CABP1: variants seen among roughly 807,000 people sequenced by gnomAD.
The protein encoded by CABP1 is calcium-binding protein 1.
A neutral mutation model predicts 34.3 loss-of-function variants in CABP1; 17 were observed. That is an observed-to-expected ratio of 0.50 (90% CI 0.34 to 0.74). The LOEUF (loss-of-function observed/expected upper bound fraction) is 0.74, where lower values mean the gene tolerates loss of function less well. CABP1 is among the 30% of genes least tolerant of loss of function. The pLI is 0.01. For missense variants in CABP1, 373 were observed against 511.1 expected (o/e 0.73, Z 2.61); for synonymous variants, 198 against 229.2 (o/e 0.86, Z 1.23).
intron 1 of CABP1, chr12:120,655,724 G>C (rs1880137306): frequency 6.9e-7 from 1 of 1,449,548 alleles, no homozygotes; most frequent in Non-Finnish European, 9.1e-7. Flanking sequence ...ATTAGGCTCT[G>C]AGTGAACACT....
chr12:120,650,106 G>C (rs1879751569), intron 1 of CABP1: 2 of 157,478 alleles, frequency 1.3e-5, no homozygotes, highest in South Asian at 3.6e-4. Context: ...CTGGCTTCGG[G>C]AACCCAAACT....
chr12:120,642,472 A>G (rs969149869), intron 1 of CABP1, among the ~76,000 whole-genome samples: 2 of 152,220 alleles, frequency 1.3e-5, no homozygotes, highest in African/African-American at 4.8e-5. Flanking sequence ...GAGGTCTGAC[A>G]TGAAGGCAGC....
chr12:120,651,920 C>A (rs1354653879), intron 1 of CABP1, among the ~76,000 whole-genome samples: 1 of 152,182 alleles, frequency 6.6e-6, no homozygotes, highest in African/African-American at 2.4e-5. Flanking sequence ...TGAATTAGCC[C>A]TTGTAATAGG....
chr12:120,668,679 G>A (rs1881135199), downstream of CABP1, among the ~76,000 whole-genome samples: 1 of 152,218 alleles, frequency 6.6e-6, no homozygotes, highest in African/African-American at 2.4e-5. Context: ...CCCAGGGACT[G>A]CTATTCAGAC....
rs11065193 is a variant in CABP1, at chr12:120,660,388, C to T, written c.829+49C>T. ...GCGTCCCTTCGGTCCTCACCCTTGC[C>T]GTCCTCTGCAGTCAGACAGGACTGG... On this transcript the variant is annotated intron_variant, in intron 3 of 5. Transcript: ENST00000316803. This position sits in a 1 kb window ranked among gnomAD's most constrained non-coding sequence, Gnocchi z 5.0. 27,694 of 1,581,842 alleles carry T rather than the reference C, an allele frequency of 0.018. 1,529 individuals carry two copies. The East Asian group carries it at 0.22, about 12-fold the overall frequency.
At chr12:120,675,130 G>A in the CABP1 span, among the ~76,000 whole-genome samples, 1 of 151,274 alleles carries the variant, frequency 6.6e-6, no homozygotes. Flanking sequence ...TCGGCTCACT[G>A]CAGCCTCTGC....
chr12:120,660,266 C>T lies in CABP1; in HGVS notation c.756C>T (p.Asn252=), dbSNP rs1440537037. The T allele has an allele frequency of 6.2e-7, 1 of 1,614,178 alleles. No homozygotes were observed. Among genetic ancestry groups the T allele is most frequent in the South Asian group, 1.1e-5 (1 of 91,068 alleles). Residue 252 remains asparagine (N), a synonymous_variant, in exon 3 of 6, where the codon AAC becomes AAT. Transcript: ENST00000316803. The surrounding 1 kb of genome is among the most constrained non-coding windows in gnomAD (Gnocchi z 5.0). ...ACATCAACTGCCGGGATCTGGGCAA[C>T]TGCATGCGCACCATGGGCTACATGC... is the stretch of plus-strand genomic sequence containing the variant. The part of the protein sequence containing the change: ...DGYINCRDLG[N]CMRTMGYMPT...
the CABP1 span, among the ~76,000 whole-genome samples, chr12:120,679,758 T>A: frequency 1.3e-5 from 2 of 149,994 alleles, no homozygotes; most frequent in African/African-American, 2.5e-5. Flanking sequence ...ACCCGGGAGG[T>A]GGAGGTTGCG....
At chr12:120,677,276 C>A in the CABP1 span, among the ~76,000 whole-genome samples, 1 of 151,062 alleles carries the variant, frequency 6.6e-6, no homozygotes, top group Non-Finnish European at 1.5e-5. Context: ...TTGGTAGAGA[C>A]AAAGTTTCAC....
Position 120,661,246 on chromosome 12 carries a change from A to C in CABP1, c.1087+28A>C, listed in dbSNP as rs751119261. On this transcript the variant is annotated intron_variant, in intron 5 of 5. Transcript: ENST00000316803. This position sits in a 1 kb window ranked among gnomAD's most constrained non-coding sequence, Gnocchi z 5.1. Reference sequence around the variant, plus strand: ...AGGTGGGGCTTGAAAGTGGGAGAGAAGCAAGCCAGCAGTGGCCATCCATGG... The same window carrying C: ...AGGTGGGGCTTGAAAGTGGGAGAGACGCAAGCCAGCAGTGGCCATCCATGG... 6.3e-7 allele frequency: 1 copy of C among 1,596,220 alleles called. No individual in the cohort carries two copies. The highest frequency in any genetic ancestry group is 1.3e-5 in the African/African-American group (1 of 74,692).
chr12:120,666,886 A>T lies in CABP1; in HGVS notation c.1099A>T (p.Met367Leu). The change falls in exon 6 of 6, where the codon ATG (methionine) becomes TTG (leucine). Residue 367 changes from methionine to leucine, a missense_variant. Around this residue, in one of 4 missense-constraint regions of CABP1, gnomAD observed 109 missense variants for 204.8 expected, o/e 0.53. Transcript: ENST00000316803. The part of the protein sequence containing the change: ...GRVDFEEFVR[M>L]MSR ...CTCTACCCTTCTAGAGTTTGTCCGG[A>T]TGATGTCCCGCTGAGGCCGCGAGGG... 6.2e-7 allele frequency: 1 copy of T among 1,606,626 alleles called. No individual in the cohort carries two copies. Among genetic ancestry groups the T allele is most frequent in the Non-Finnish European group, 8.5e-7 (1 of 1,178,906 alleles).
downstream of CABP1, among the ~76,000 whole-genome samples, chr12:120,669,651 G>A (rs537252467): frequency 5.3e-5 from 8 of 152,254 alleles, no homozygotes; most frequent in South Asian, 4.1e-4. Flanking sequence ...CTATTAGGGA[G>A]TCTGAGGCAA....
At chr12:120,675,316 G>A in the CABP1 span, among the ~76,000 whole-genome samples, 1 of 152,222 alleles carries the variant, frequency 6.6e-6, no homozygotes, top group Admixed American at 6.5e-5. Context: ...ACCTCCCAAA[G>A]TGGTGGGATT....
At chr12:120,649,974 CGCTT>C (rs1186880488) in intron 1 of CABP1, 2 of 152,070 alleles carry the variant, frequency 1.3e-5, no homozygotes, top group Non-Finnish European at 2.9e-5. Context: ...TCTCCCTGAG[CGCTT>C]GTGTGTGCAT....
At chr12:120,646,918 C>A (rs1430067370) in intron 1 of CABP1, among the ~76,000 whole-genome samples, 1 of 152,172 alleles carries the variant, frequency 6.6e-6, no homozygotes, top group Non-Finnish European at 1.5e-5. Context: ...CGTCGAAATC[C>A]CTGGATCCCT....
rs372659944 is a variant in CABP1 at position 120,661,049 on chromosome 12, C to T, written c.940-22C>T. 6.2e-7 allele frequency: 1 copy of T among 1,607,702 alleles called. No homozygotes were observed. Among genetic ancestry groups the T allele is most frequent in the Non-Finnish European group, 8.5e-7 (1 of 1,176,622 alleles). ...CAATCGCCATGCTGGGGCGACCTCTCCTTCCTTCCTGCCTTCTCTAGTTTG... is the reference window on the plus strand; with the variant it reads ...CAATCGCCATGCTGGGGCGACCTCTTCTTCCTTCCTGCCTTCTCTAGTTTG... On this transcript the variant is annotated intron_variant, in intron 4 of 5. Coordinates refer to ENST00000316803, the MANE Select transcript of CABP1 (RefSeq NM_001033677.2). This position sits in a 1 kb window ranked among gnomAD's most constrained non-coding sequence, Gnocchi z 5.1.
chr12:120,665,646 G>A (rs940520016), intron 5 of CABP1, among the ~76,000 whole-genome samples: 4 of 151,966 alleles, frequency 2.6e-5, no homozygotes, highest in African/African-American at 9.7e-5. Context: ...GAGGCTATGC[G>A]TATGCGGGGA....
chr12:120,661,504 C>A lies in CABP1; in HGVS notation c.1087+286C>A. 2.9e-6 allele frequency: 1 copy of A among 342,090 alleles called. No individual in the cohort carries two copies. 21.2% of individuals were successfully genotyped at this position (342,090 alleles called of 1,614,324 possible). On this transcript the variant is annotated intron_variant, in intron 5 of 5. Coordinates refer to ENST00000316803, the MANE Select transcript of CABP1 (RefSeq NM_001033677.2). This position sits in a 1 kb window ranked among gnomAD's most constrained non-coding sequence, Gnocchi z 5.1. ...CCTATCTATCCATCTGTCCACCATC[C>A]ATCCATCCATCCATTTATCTACCCA... is the stretch of plus-strand genomic sequence containing the variant.
Position 120,649,589 on chromosome 12 carries a change from A to G in CABP1, c.654+8250A>G, listed in dbSNP as rs534898496. Among the ~76,000 whole-genome samples the G allele has an allele frequency of 7.9e-5, 12 of 152,242 alleles. No homozygotes were observed. The South Asian group carries it at 1.5e-3, about 18-fold the overall frequency. Reference sequence around the variant, plus strand: ...GGCTTCTTCTCTGCCCGGCACCCCAAGGAAGCTGGGGAGAGGTCTTTGCTG... The same window carrying G: ...GGCTTCTTCTCTGCCCGGCACCCCAGGGAAGCTGGGGAGAGGTCTTTGCTG... On this transcript the variant is annotated intron_variant, in intron 1 of 5. Coordinates refer to ENST00000316803, the MANE Select transcript of CABP1 (RefSeq NM_001033677.2).
Sources: gnomAD v4.1 joint callset for allele counts (sites outside exome capture counted in the v4.1 genomes callset) on GRCh38, gnomAD v4.1.1 for gene constraint, gnomAD v4.1.1 regional missense constraint, Gnocchi (gnomAD v3.1) non-coding constraint, MANE v1.5 for transcripts, NCBI Gene and HGNC (gene_info 2026-07-23, HGNC 2026-07-21) for gene names.